The following CSGALNACT1 variants were observed in gnomAD, a reference collection of about 807,000 sequenced individuals.
CSGALNACT1 encodes the protein beta4GalNAcT-1.
CSGALNACT1 carries 52 observed loss-of-function variants against 51.0 expected under a neutral mutation model. That is an observed-to-expected ratio of 1.02 (90% CI 0.82 to 1.29). The LOEUF is 1.29. Among genes scored for constraint, CSGALNACT1 ranks in the 50% most tolerant of loss-of-function variants. The probability of loss-of-function intolerance (pLI) is 0.00; values close to 1 mark genes in which losing one functional copy is unlikely to be tolerated. For synonymous variants in CSGALNACT1, 341 were observed against 254.4 expected (o/e 1.34, Z -3.24); for missense variants, 935 against 679.2 (o/e 1.38, Z -4.19).
chr8:19,422,327 G>C (rs1382060389), intron 6 of CSGALNACT1, among the ~76,000 whole-genome samples: 1 of 152,026 alleles, frequency 6.6e-6, no homozygotes, highest in Non-Finnish European at 1.5e-5. Flanking sequence ...CAAGTAGCTG[G>C]GACTACAAGT....
intron 1 of CSGALNACT1, among the ~76,000 whole-genome samples, chr8:19,722,516 G>T (rs1289087151): frequency 6.6e-6 from 1 of 152,160 alleles, no homozygotes; most frequent in African/African-American, 2.4e-5. Flanking sequence ...TGCAAATCCA[G>T]GTCTGGCCAC....
intron 1 of CSGALNACT1, among the ~76,000 whole-genome samples, chr8:19,660,474 C>A (rs142183648): frequency 1.3e-5 from 2 of 152,180 alleles, no homozygotes; most frequent in Admixed American, 6.5e-5. Flanking sequence ...TATGGTGCCA[C>A]AGCCTCTAGA....
intron 3 of CSGALNACT1, among the ~76,000 whole-genome samples, chr8:19,529,954 C>T (rs911738276): frequency 2.6e-5 from 4 of 152,178 alleles, no homozygotes; most frequent in African/African-American, 7.2e-5. Flanking sequence ...AACACAGTGG[C>T]TCACGCCTGT....
rs183520528 is a variant in CSGALNACT1, at chr8:19,504,306, G to A, written c.634+895C>T. 1.8e-4 allele frequency among the ~76,000 whole-genome samples: 28 copies of A among 152,220 alleles called. No homozygotes were observed. The East Asian group carries it at 4.6e-3, about 25-fold the overall frequency. On this transcript the variant is annotated intron_variant, in intron 4 of 9. Coordinates refer to ENST00000454498, the Ensembl canonical transcript of CSGALNACT1. ...TTAGCCAGGATGGTCTCGATCTCCC[G>A]ACCTCATGATCCGCCTGCCTGGGCC... is the stretch of plus-strand genomic sequence containing the variant.
At chr8:19,445,985 G>A (rs774596397) in intron 5 of CSGALNACT1, among the ~76,000 whole-genome samples, 1 of 152,096 alleles carries the variant, frequency 6.6e-6, no homozygotes, top group Non-Finnish European at 1.5e-5. Context: ...GACCACCCTG[G>A]CCAACATGGT....
intron 1 of CSGALNACT1, among the ~76,000 whole-genome samples, chr8:19,638,671 G>T (rs1318322526): frequency 6.6e-6 from 1 of 152,094 alleles, no homozygotes; most frequent in African/African-American, 2.4e-5. Context: ...TTTGAAAGAA[G>T]TGATCATATA....
At chr8:19,651,268 C>A (rs983442145) in intron 1 of CSGALNACT1, among the ~76,000 whole-genome samples, 2 of 152,096 alleles carry the variant, frequency 1.3e-5, no homozygotes, top group Admixed American at 1.3e-4. Flanking sequence ...ATTTAATTTT[C>A]TCCAACTTTT....
At chr8:19,601,836 T>C (rs563447674) in exon 2 of CSGALNACT1, 16 of 454,080 alleles carry the variant, frequency 3.5e-5, no homozygotes, top group South Asian at 1.2e-4. Context: ...CAAAATTACC[T>C]TGGCGTCTTT....
intron 3 of CSGALNACT1, among the ~76,000 whole-genome samples, chr8:19,552,300 T>C (rs2088332145): frequency 6.6e-6 from 1 of 152,122 alleles, no homozygotes; most frequent in Non-Finnish European, 1.5e-5. Context: ...ATAAGGAAAA[T>C]TTACTTACAG....
chr8:19,726,037 G>C (rs1341300899), intron 1 of CSGALNACT1, among the ~76,000 whole-genome samples: 1 of 152,052 alleles, frequency 6.6e-6, no homozygotes, highest in African/African-American at 2.4e-5. Context: ...TCTGTGTTCT[G>C]AAGGCTTAAA....
intron 4 of CSGALNACT1, among the ~76,000 whole-genome samples, chr8:19,470,678 C>G (rs543596848): frequency 6.6e-6 from 1 of 152,176 alleles, no homozygotes; most frequent in African/African-American, 2.4e-5. Flanking sequence ...CATTGCCTCT[C>G]TAAAAATGAA....
intron 1 of CSGALNACT1, among the ~76,000 whole-genome samples, chr8:19,621,186 T>G (rs1185622571): frequency 6.6e-6 from 1 of 152,178 alleles, no homozygotes; most frequent in African/African-American, 2.4e-5. Context: ...AGAAAGTCAG[T>G]TGACACAATG....
In CSGALNACT1 at chr8:19,650,112, G is replaced by A. The variant is rs574991454; in HGVS notation, c.-544+32361C>T. On this transcript the variant is annotated intron_variant, in intron 1 of 9. Coordinates refer to the CSGALNACT1 transcript ENST00000332246. ...TTGTTAAAACGATTCAGTTGCTCTG[G>A]GGTGAGACTCAGATTATGCATTTCT... 9.2e-5 allele frequency among the ~76,000 whole-genome samples: 14 copies of A among 152,240 alleles called. No homozygotes were observed. In the East Asian group the frequency reaches 1.9e-3, roughly 21 times the overall value.
chr8:19,492,029 T>C (rs1288620890), intron 4 of CSGALNACT1, among the ~76,000 whole-genome samples: 1 of 152,206 alleles, frequency 6.6e-6, no homozygotes, highest in Non-Finnish European at 1.5e-5. Flanking sequence ...CATAAACATA[T>C]TCATAACTTA....
intron 4 of CSGALNACT1, 132 bp downstream of exon 3, chr8:19,505,069 G>T: frequency 1.1e-6 from 1 of 916,160 alleles, no homozygotes. Flanking sequence ...ACCTTTTGGT[G>T]TCACACACAT....
intron 3 of CSGALNACT1, among the ~76,000 whole-genome samples, chr8:19,578,204 A>T (rs1274605751): frequency 1.3e-5 from 2 of 152,208 alleles, no homozygotes; most frequent in Non-Finnish European, 2.9e-5. Flanking sequence ...TCACTATGCC[A>T]TTTGCATTTA....
chr8:19,460,676 CATAA>C (rs2065168278), intron 4 of CSGALNACT1, among the ~76,000 whole-genome samples: 1 of 152,212 alleles, frequency 6.6e-6, no homozygotes, highest in Non-Finnish European at 1.5e-5. Flanking sequence ...TTGAAAGGTA[CATAA>C]ATAGATTTCT....
At chr8:19,571,337 C>A (rs2089646846) in intron 3 of CSGALNACT1, among the ~76,000 whole-genome samples, 1 of 152,128 alleles carries the variant, frequency 6.6e-6, no homozygotes, top group Non-Finnish European at 1.5e-5. Context: ...CCTACCTAAA[C>A]ACCTATGATT....
intron 2 of CSGALNACT1, among the ~76,000 whole-genome samples, chr8:19,594,693 G>A (rs182518246): frequency 2.9e-4 from 44 of 151,218 alleles, no homozygotes; most frequent in African/African-American, 7.8e-4. Context: ...ACAGGTACAC[G>A]CCACCAGGCC....
Sources: allele counts gnomAD v4.1 joint callset (sites outside exome capture counted in the v4.1 genomes callset), GRCh38; gene constraint gnomAD v4.1.1; transcripts MANE v1.5; gene names NCBI Gene and HGNC (gene_info 2026-07-23, HGNC 2026-07-21).